PRSS23: variants seen among roughly 807,000 people sequenced by gnomAD.
PRSS23 encodes protease, serine 23.
A neutral mutation model predicts 34.7 loss-of-function variants in PRSS23; 25 were observed. That is an observed-to-expected ratio of 0.72 (90% CI 0.53 to 1.01). The LOEUF (loss-of-function observed/expected upper bound fraction) is 1.01. Ranked by LOEUF, PRSS23 falls within the 50% of genes least tolerant of loss-of-function variation. The probability of loss-of-function intolerance (pLI) is 0.00; values close to 1 mark genes in which losing one functional copy is unlikely to be tolerated. For missense variants in PRSS23, 445 were observed against 475.6 expected, an observed-to-expected ratio of 0.94 and a Z score of 0.60; for synonymous variants, 176 against 186.6, an observed-to-expected ratio of 0.94 and a Z score of 0.46.
At chr11:86,879,768 A>G (rs1474489523) in intron 2 of PRSS23, among the ~76,000 whole-genome samples, 4 of 107,922 alleles carry the variant, frequency 3.7e-5, no homozygotes, top group African/African-American at 7.3e-5. Context: ...TCCGGGAGGG[A>G]GGTGGGGGGG....
chr11:86,865,369 A>G (rs1948642879), intron 2 of PRSS23, among the ~76,000 whole-genome samples: 1 of 152,234 alleles, frequency 6.6e-6, no homozygotes, highest in Admixed American at 6.5e-5. Context: ...TGGAGGTAAC[A>G]TATGCAAAGC....
intron 2 of PRSS23, among the ~76,000 whole-genome samples, chr11:86,865,166 G>A (rs1255605003): frequency 6.6e-6 from 1 of 152,158 alleles, no homozygotes; most frequent in African/African-American, 2.4e-5. Flanking sequence ...TCCTGGAGCT[G>A]GCCCTTCTGC....
chr11:86,796,606 A>G (rs1215241658), upstream of PRSS23, among the ~76,000 whole-genome samples: 1 of 135,864 alleles, frequency 7.4e-6, no homozygotes, highest in Non-Finnish European at 1.5e-5. Context: ...GCGCCACTGC[A>G]CTCCAGCCTG....
At chr11:86,861,576 C>T (rs576533415) in intron 2 of PRSS23, among the ~76,000 whole-genome samples, 3 of 151,364 alleles carry the variant, frequency 2.0e-5, no homozygotes, top group Admixed American at 6.6e-5. Flanking sequence ...TTGCAGGGGG[C>T]GGACACCCTT....
At chr11:86,937,211 G>T (rs1949170424) in intron 2 of PRSS23, 1 of 152,202 alleles carries the variant, frequency 6.6e-6, no homozygotes, top group Non-Finnish European at 1.5e-5. Context: ...AATCTTTTGA[G>T]ATCACAGACC....
chr11:86,883,992 A>G (rs1948786720), intron 2 of PRSS23, among the ~76,000 whole-genome samples: 1 of 152,148 alleles, frequency 6.6e-6, no homozygotes, highest in South Asian at 2.1e-4. Flanking sequence ...CCTTAGCTTT[A>G]TGATATGCAC....
At chr11:86,949,985 T>C (rs1949276062) in intron 2 of PRSS23, 1 of 152,350 alleles carries the variant, frequency 6.6e-6, no homozygotes, top group South Asian at 2.1e-4. Context: ...AACATTCTTA[T>C]GCTTTAAAAA....
At chr11:86,802,088 G>A (rs1306642959) in intron 1 of PRSS23, among the ~76,000 whole-genome samples, 1 of 152,184 alleles carries the variant, frequency 6.6e-6, no homozygotes, top group Admixed American at 6.5e-5. Context: ...GTCTGCAATG[G>A]TTAATAGTCT....
At chr11:86,844,607 T>G (rs1948472705) in intron 2 of PRSS23, among the ~76,000 whole-genome samples, 1 of 152,242 alleles carries the variant, frequency 6.6e-6, no homozygotes, top group Non-Finnish European at 1.5e-5. Flanking sequence ...CATTTCTTTC[T>G]GCCTCTATTT....
intron 2 of PRSS23, among the ~76,000 whole-genome samples, chr11:86,845,432 C>A (rs1456047852): frequency 6.6e-6 from 1 of 152,168 alleles, no homozygotes; most frequent in Non-Finnish European, 1.5e-5. Context: ...TTACTTGATA[C>A]ATCCATCACA....
intron 2 of PRSS23, among the ~76,000 whole-genome samples, chr11:86,845,332 A>G (rs1948478755): frequency 6.6e-6 from 1 of 152,184 alleles, no homozygotes; most frequent in South Asian, 2.1e-4. Flanking sequence ...ATGCAGGGAA[A>G]CCAGAACTTC....
intron 2 of PRSS23, among the ~76,000 whole-genome samples, chr11:86,859,336 G>C (rs1320372265): frequency 1.3e-5 from 2 of 151,932 alleles, no homozygotes; most frequent in Non-Finnish European, 2.9e-5. Flanking sequence ...CTGTGATATT[G>C]TTTCTAATAC....
intron 2 of PRSS23, chr11:86,911,462 C>T (rs1303140993): frequency 6.6e-6 from 1 of 152,218 alleles, no homozygotes; most frequent in East Asian, 1.9e-4. Flanking sequence ...TTTTTCAACC[C>T]TGGCCTCCTT....
At chr11:86,839,612 A>C (rs867432550) in intron 2 of PRSS23, among the ~76,000 whole-genome samples, 2 of 152,060 alleles carry the variant, frequency 1.3e-5, no homozygotes, top group African/African-American at 4.8e-5. Flanking sequence ...CACCACAAAG[A>C]TATTCCTTGA....
At chr11:86,888,118 A>T (rs1407344723) in intron 2 of PRSS23, among the ~76,000 whole-genome samples, 3,856 of 100,248 alleles carry the variant, frequency 0.038, 65 homozygotes, top group African/African-American at 0.048. Context: ...GGTTTTTTTT[A>T]AAAAAAAACA....
At position 86,952,309 on chromosome 11, in the gene PRSS23, T is replaced by C. The variant is rs760635095; in HGVS notation, c.*1024T>C. On this transcript the variant is annotated 3_prime_UTR_variant, in exon 3 of 3. Coordinates refer to the PRSS23 transcript ENST00000533902. ...ACATGTGGTTGTGGTCGTTCTGTGG[T>C]GGGAATTTGCTGCAGTTCAGACTCT... 32 of 1,614,096 alleles carry C rather than the reference T, an allele frequency of 2.0e-5. No homozygotes were observed. The East Asian group carries it at 6.9e-4, about 35-fold the overall frequency.
At chr11:86,877,837 G>T in intron 2 of PRSS23, among the ~76,000 whole-genome samples, 2 of 139,072 alleles carry the variant, frequency 1.4e-5, no homozygotes, top group Non-Finnish European at 3.0e-5. Flanking sequence ...TGAATTTTAG[G>T]ATCAACTTTT....
chr11:86,827,419 T>C (rs1948311264), intron 2 of PRSS23, among the ~76,000 whole-genome samples: 1 of 152,210 alleles, frequency 6.6e-6, no homozygotes, highest in Non-Finnish European at 1.5e-5. Flanking sequence ...AGTCTATCAA[T>C]TTTGTTGATC....
chr11:86,918,689 G>A lies in PRSS23; in HGVS notation c.207-32527G>A, dbSNP rs1163668838. ...GCTTTACAGCTGTAAACCCAGGGCC[G>A]AGGACATATACCAGGTGTTCCACAG... On this transcript the variant is annotated intron_variant, in intron 2 of 2. Coordinates refer to the PRSS23 transcript ENST00000533902. Among the ~76,000 whole-genome samples the A allele has an allele frequency of 3.9e-5, 6 of 152,332 alleles. No homozygotes were observed. The East Asian group carries it at 1.2e-3, about 29-fold the overall frequency.
Sources: allele counts gnomAD v4.1 joint callset (sites outside exome capture counted in the v4.1 genomes callset), GRCh38; gene constraint gnomAD v4.1.1; transcripts MANE v1.5; gene names NCBI Gene and HGNC (gene_info 2026-07-23, HGNC 2026-07-21).